NRXN3: variants seen among roughly 807,000 people sequenced by gnomAD.
NRXN3 encodes the protein neurexin III.
NRXN3 carries 32 observed loss-of-function variants against 137.6 expected under a neutral mutation model. The observed-to-expected ratio is 0.23, with a 90% CI of 0.18 to 0.31. The LOEUF is 0.31. Ranked by LOEUF, NRXN3 falls within the 10% of genes least tolerant of loss-of-function variation. The probability of loss-of-function intolerance (pLI) is 1.00; values close to 1 mark genes in which losing one functional copy is unlikely to be tolerated. For synonymous variants in NRXN3, 798 were observed against 784.5 expected (o/e 1.02, Z -0.29); for missense variants, 1,574 against 2,062.5 (o/e 0.76, Z 4.59).
chr14:78,472,390 A>G (rs1323393392), intron 4 of NRXN3, among the ~76,000 whole-genome samples: 1 of 152,176 alleles, frequency 6.6e-6, no homozygotes, highest in Non-Finnish European at 1.5e-5. Flanking sequence ...GAATCTTGGC[A>G]ACAACATTTA....
chr14:78,248,325 C>T, intron 2 of NRXN3, among the ~76,000 whole-genome samples: 1 of 142,146 alleles, frequency 7.0e-6, no homozygotes, highest in African/African-American at 2.5e-5. Context: ...CCACCCGCCA[C>T]CTCCTGTTGT....
intron 10 of NRXN3, among the ~76,000 whole-genome samples, chr14:78,840,795 A>G (rs2099010268): frequency 6.6e-6 from 1 of 152,194 alleles, no homozygotes; most frequent in Non-Finnish European, 1.5e-5. Context: ...AGAATTAGTA[A>G]AACAGTAAAG....
In NRXN3 at chr14:79,651,675, C is replaced by T. The variant is rs568058603; in HGVS notation, c.3445-12103C>T. Among the ~76,000 whole-genome samples, 24 of 152,246 alleles carry T rather than the reference C, an allele frequency of 1.6e-4. No individual in the cohort carries two copies. In the East Asian group the frequency reaches 3.1e-3, roughly 20 times the overall value. The stretch of plus-strand genomic sequence containing the variant: ...TTATCAAAGATGTCTCTGGAAGGCA[C>T]GTGTGTAAAGTTGTTTTCAGCTCTG... On this transcript the variant is annotated intron_variant, in intron 16 of 20. Transcript: ENST00000335750.
At chr14:79,624,330 G>A (rs568991908) in intron 16 of NRXN3, among the ~76,000 whole-genome samples, 1 of 152,136 alleles carries the variant, frequency 6.6e-6, no homozygotes, top group Non-Finnish European at 1.5e-5. Context: ...AGACCAAAGA[G>A]TGACAAGAGA....
At chr14:79,058,469 C>T (rs77751230) in intron 15 of NRXN3, among the ~76,000 whole-genome samples, 36 of 151,936 alleles carry the variant, frequency 2.4e-4, no homozygotes, top group African/African-American at 8.0e-4. Flanking sequence ...TTTCTGAGAG[C>T]AAAGAGAATC....
intron 16 of NRXN3, among the ~76,000 whole-genome samples, chr14:79,632,727 ATATTATTTAATC>A (rs2098367847): frequency 6.6e-6 from 1 of 151,784 alleles, no homozygotes; most frequent in Non-Finnish European, 1.5e-5. Context: ...TATTTTATAT[ATATTATTTAATC>A]TTCACATTAC....
At chr14:78,972,125 C>A (rs2099443919) in intron 14 of NRXN3, among the ~76,000 whole-genome samples, 1 of 152,102 alleles carries the variant, frequency 6.6e-6, no homozygotes, top group Non-Finnish European at 1.5e-5. Flanking sequence ...AAAAATCATA[C>A]CTGATTTAAT....
chr14:78,783,944 T>C (rs778532297), intron 8 of NRXN3, among the ~76,000 whole-genome samples: 31 of 151,832 alleles, frequency 2.0e-4, no homozygotes, highest in Admixed American at 5.9e-4. Flanking sequence ...ATCTGTTTTA[T>C]AGAGCATCTA....
intron 4 of NRXN3, among the ~76,000 whole-genome samples, chr14:78,355,195 C>T (rs1309309009): frequency 6.6e-6 from 1 of 152,156 alleles, no homozygotes; most frequent in Admixed American, 6.5e-5. Context: ...CACCTTTCTC[C>T]CCTGCCAAAG....
At chr14:79,822,679 T>C (rs2099276298) in intron 20 of NRXN3, among the ~76,000 whole-genome samples, 1 of 152,178 alleles carries the variant, frequency 6.6e-6, no homozygotes, top group Admixed American at 6.5e-5. Flanking sequence ...AATGATGATG[T>C]TAAGACCCAT....
intron 8 of NRXN3, among the ~76,000 whole-genome samples, chr14:78,768,532 A>G (rs538869403): frequency 6.6e-6 from 1 of 152,308 alleles, no homozygotes; most frequent in Non-Finnish European, 1.5e-5. Context: ...AGGAATCACT[A>G]CATGATAAGA....
chr14:79,789,390 C>G (rs2099138582), intron 19 of NRXN3, among the ~76,000 whole-genome samples: 1 of 152,012 alleles, frequency 6.6e-6, no homozygotes. Context: ...GACTTAGACC[C>G]CAAGAGAGGG....
intron 10 of NRXN3, among the ~76,000 whole-genome samples, chr14:78,848,230 T>G (rs922536706): frequency 6.6e-6 from 1 of 152,148 alleles, no homozygotes; most frequent in Non-Finnish European, 1.5e-5. Context: ...CTATGTTTAG[T>G]GAGCGAGTTT....
chr14:78,571,231 C>T (rs1350476946), intron 4 of NRXN3, among the ~76,000 whole-genome samples: 1 of 152,138 alleles, frequency 6.6e-6, no homozygotes, highest in East Asian at 1.9e-4. Flanking sequence ...AGATAACTGA[C>T]CACTCTCTGG....
chr14:79,755,495 C>T (rs543994290), intron 19 of NRXN3, among the ~76,000 whole-genome samples: 1 of 151,870 alleles, frequency 6.6e-6, no homozygotes, highest in South Asian at 2.1e-4. Context: ...CTGGAAATAC[C>T]CCCACTTCCA....
intron 19 of NRXN3, among the ~76,000 whole-genome samples, chr14:79,733,758 C>G (rs1449251561): frequency 2.0e-5 from 3 of 151,686 alleles, no homozygotes; most frequent in African/African-American, 7.3e-5. Context: ...GAAGACACCA[C>G]TGTATCATCT....
At chr14:78,365,897 G>A (rs1166453152) in intron 4 of NRXN3, among the ~76,000 whole-genome samples, 1 of 152,148 alleles carries the variant, frequency 6.6e-6, no homozygotes, top group African/African-American at 2.4e-5. Flanking sequence ...TGAAAGAGGA[G>A]CAACCAAGAG....
chr14:79,710,641 A>ATAAC (rs2098800103), intron 19 of NRXN3, among the ~76,000 whole-genome samples: 1 of 152,242 alleles, frequency 6.6e-6, no homozygotes. Context: ...CATGAGATAT[A>ATAAC]TAACTGAGGT....
chr14:79,810,458 G>A (rs2099227905), intron 20 of NRXN3, among the ~76,000 whole-genome samples: 1 of 152,194 alleles, frequency 6.6e-6, no homozygotes, highest in African/African-American at 2.4e-5. Flanking sequence ...TAATGGTTGG[G>A]AAGGAGATGT....
Sources: allele counts gnomAD v4.1 joint callset (sites outside exome capture counted in the v4.1 genomes callset), GRCh38; gene constraint gnomAD v4.1.1; transcripts MANE v1.5; gene names NCBI Gene and HGNC (gene_info 2026-07-23, HGNC 2026-07-21).